Variants in AGBL1 observed in about 807,000 individuals in gnomAD.
AGBL1 encodes cytosolic carboxypeptidase 4.
Under a neutral mutation model 118.9 loss-of-function variants are expected in AGBL1, and 130 were observed. The ratio of observed to expected loss-of-function variants is 1.09; its 90% CI spans 0.95 to 1.26. The LOEUF is 1.26. Among genes scored for constraint, AGBL1 ranks in the 50% most tolerant of loss-of-function variants. The pLI is 0.00. For missense variants in AGBL1, 1,584 were observed against 1,298.1 expected (o/e 1.22, Z -3.38); for synonymous variants, 555 against 478.9 (o/e 1.16, Z -2.08).
At chr15:86,326,487 A>C (rs923381533) in intron 17 of AGBL1, among the ~76,000 whole-genome samples, 6 of 152,234 alleles carry the variant, frequency 3.9e-5, no homozygotes, top group African/African-American at 1.4e-4. Context: ...AAGGCCAACC[A>C]AGGTGAGGAT....
chr15:86,280,995 C>T (rs1393770406), intron 16 of AGBL1, among the ~76,000 whole-genome samples: 1 of 152,178 alleles, frequency 6.6e-6, no homozygotes, highest in African/African-American at 2.4e-5. Context: ...TGTTATAAAA[C>T]ATGTTTTGTT....
At chr15:86,116,274 A>G (rs1897751560) in intron 1 of AGBL1, among the ~76,000 whole-genome samples, 1 of 152,258 alleles carries the variant, frequency 6.6e-6, no homozygotes, top group Admixed American at 6.5e-5. Flanking sequence ...GCTTAGGATT[A>G]CACAGCCAGT....
intron 1 of AGBL1, among the ~76,000 whole-genome samples, chr15:86,115,856 CA>C (rs1194340314): frequency 6.6e-6 from 1 of 152,128 alleles, no homozygotes; most frequent in Non-Finnish European, 1.5e-5. Flanking sequence ...CCAGGATGAC[CA>C]AACATTTCAG....
chr15:86,459,758 C>T lies in AGBL1; in HGVS notation c.2555+62212C>T, dbSNP rs77147252. On this transcript the variant is annotated intron_variant, in intron 18 of 22. Coordinates refer to ENST00000614907, the MANE Select transcript of AGBL1 (RefSeq NM_001386094.1). ...AGAATTTGAACTTAGGTCTCTGACT[C>T]CTAAGGGTATATTCTCAAGTCCTAC... 6.4e-4 allele frequency among the ~76,000 whole-genome samples: 97 copies of T among 152,176 alleles called. 2 individuals carry two copies. In the East Asian group the frequency reaches 0.013, roughly 21 times the overall value.
chr15:86,400,802 C>T (rs2081433057), intron 18 of AGBL1, among the ~76,000 whole-genome samples: 1 of 151,462 alleles, frequency 6.6e-6, no homozygotes, highest in African/African-American at 2.4e-5. Context: ...CCATTTTATG[C>T]CATGCTGATA....
At chr15:86,594,907 A>G (rs141471289) in intron 21 of AGBL1, among the ~76,000 whole-genome samples, 1 of 152,146 alleles carries the variant, frequency 6.6e-6, no homozygotes, top group Non-Finnish European at 1.5e-5. Flanking sequence ...ACTGTTGCCA[A>G]CCTCACTAAT....
intron 17 of AGBL1, among the ~76,000 whole-genome samples, chr15:86,393,151 T>C (rs1374309114): frequency 6.6e-6 from 1 of 152,214 alleles, no homozygotes; most frequent in Non-Finnish European, 1.5e-5. Context: ...CATTTGCTTC[T>C]TCAGGATACT....
chr15:86,181,414 A>C lies in AGBL1; in HGVS notation c.488+22388A>C, dbSNP rs76392025. Among the ~76,000 whole-genome samples the C allele has an allele frequency of 1.7e-4, 26 of 152,210 alleles. No homozygotes were observed. The East Asian group carries it at 4.6e-3, about 27-fold the overall frequency. On this transcript the variant is annotated intron_variant, in intron 5 of 22. Transcript: ENST00000614907. Reference sequence around the variant, plus strand: ...GCTGAATGAAAGATGCCAGATTAAAAAGTATATACTGTATTATACCATTGT... The same window carrying C: ...GCTGAATGAAAGATGCCAGATTAAACAGTATATACTGTATTATACCATTGT...
intron 17 of AGBL1, among the ~76,000 whole-genome samples, chr15:86,323,228 C>T (rs137877217): frequency 0.014 from 2,094 of 151,460 alleles, 34 homozygotes; most frequent in Non-Finnish European, 0.018. Flanking sequence ...GAGGGCACCT[C>T]ATCCACCATG....
chr15:86,456,198 T>G (rs1215503230), intron 18 of AGBL1, among the ~76,000 whole-genome samples: 1 of 152,336 alleles, frequency 6.6e-6, no homozygotes, highest in East Asian at 1.9e-4. Flanking sequence ...CTTTTATTGC[T>G]GCCAATCTGA....
chr15:86,555,381 G>A (rs140948681), intron 21 of AGBL1, among the ~76,000 whole-genome samples: 22 of 152,236 alleles, frequency 1.4e-4, no homozygotes, highest in Non-Finnish European at 2.2e-4. Flanking sequence ...GGAAGCACTT[G>A]GCATCTATGC....
intron 17 of AGBL1, among the ~76,000 whole-genome samples, chr15:86,300,262 T>C (rs2079725243): frequency 6.6e-6 from 1 of 152,170 alleles, no homozygotes; most frequent in Non-Finnish European, 1.5e-5. Context: ...CAACCTCGCA[T>C]TCTAAATGAC....
chr15:86,665,619 A>G (rs1484735513), intron 21 of AGBL1, among the ~76,000 whole-genome samples: 4 of 152,270 alleles, frequency 2.6e-5, no homozygotes, highest in South Asian at 4.1e-4. Flanking sequence ...TATATATCTA[A>G]TCATTAATAT....
chr15:86,715,726 A>G (rs1177054468), intron 22 of AGBL1, among the ~76,000 whole-genome samples: 1 of 152,204 alleles, frequency 6.6e-6, no homozygotes, highest in East Asian at 1.9e-4. Context: ...GGGAAAATGT[A>G]TAATTAATGA....
chr15:86,410,866 A>T (rs1279224457), intron 18 of AGBL1, among the ~76,000 whole-genome samples: 2 of 82,186 alleles, frequency 2.4e-5, no homozygotes, highest in Non-Finnish European at 4.7e-5. Context: ...TATATAAAAT[A>T]TATAATATAT....
chr15:86,592,616 G>A (rs755427825), intron 21 of AGBL1, among the ~76,000 whole-genome samples: 9 of 152,126 alleles, frequency 5.9e-5, no homozygotes, highest in African/African-American at 1.2e-4. Flanking sequence ...CATTAGAAGC[G>A]TTTTTCCCTT....
intron 1 of AGBL1, among the ~76,000 whole-genome samples, chr15:86,139,502 G>C (rs1224976799): frequency 6.6e-6 from 1 of 152,112 alleles, no homozygotes; most frequent in Non-Finnish European, 1.5e-5. Flanking sequence ...AAATAAGCCA[G>C]CCGGGTGTGG....
chr15:86,545,903 T>A, intron 19 of AGBL1, 99 bp from the exon 20 acceptor site: 1 of 1,414,768 alleles, frequency 7.1e-7, no homozygotes, highest in South Asian at 1.4e-5. Flanking sequence ...ATTGTAAACT[T>A]TCTTTGAGCC....
At chr15:86,225,695 C>T (rs947423268) in intron 6 of AGBL1, among the ~76,000 whole-genome samples, 1 of 152,028 alleles carries the variant, frequency 6.6e-6, no homozygotes, top group Non-Finnish European at 1.5e-5. Context: ...TCCTCCTTAC[C>T]TCTTCATCTA....
Sources: gnomAD v4.1 joint callset for allele counts (sites outside exome capture counted in the v4.1 genomes callset) on GRCh38, gnomAD v4.1.1 for gene constraint, MANE v1.5 for transcripts, NCBI Gene and HGNC (gene_info 2026-07-23, HGNC 2026-07-21) for gene names.